The following ZFPM1 variants were observed in gnomAD, a reference collection of about 807,000 sequenced individuals.
ZFPM1 encodes the protein zinc finger protein ZFPM1.
Under a neutral mutation model 46.3 loss-of-function variants are expected in ZFPM1, and 28 were observed. The observed-to-expected ratio is 0.60, with a 90% CI of 0.45 to 0.83. The LOEUF (loss-of-function observed/expected upper bound fraction) is 0.83. ZFPM1 is among the 40% of genes least tolerant of loss of function. The probability of loss-of-function intolerance (pLI) is 0.00; values close to 1 mark genes in which losing one functional copy is unlikely to be tolerated. For synonymous variants in ZFPM1, 957 were observed against 675.9 expected, an observed-to-expected ratio of 1.42 and a Z score of -6.45; for missense variants, 1,878 against 1,432.4, an observed-to-expected ratio of 1.31 and a Z score of -5.02.
intron 4 of ZFPM1, chr16:88,516,169 A>C: frequency 2.5e-6 from 1 of 398,664 alleles, no homozygotes; most frequent in East Asian, 3.6e-5. Flanking sequence ...CCAGGATCAA[A>C]CAGCAGAGGG....
intron 6 of ZFPM1, among the ~76,000 whole-genome samples, 185 bp downstream of exon 6, chr16:88,528,423 T>A (rs1597284894): frequency 6.6e-6 from 1 of 151,580 alleles, no homozygotes; most frequent in African/African-American, 2.4e-5. Context: ...GACAGGAGGG[T>A]CCCCAGAGCC....
intron 3 of ZFPM1, among the ~76,000 whole-genome samples, chr16:88,489,707 T>A (rs991358441): frequency 6.6e-6 from 1 of 152,224 alleles, no homozygotes; most frequent in Non-Finnish European, 1.5e-5. Flanking sequence ...GTGACTCTGC[T>A]CCGTGATTTG....
intron 4 of ZFPM1, among the ~76,000 whole-genome samples, chr16:88,523,206 C>CA (rs71391390): frequency 0.15 from 16,811 of 110,696 alleles, 1,192 homozygotes; most frequent in East Asian, 0.36. Context: ...GACTTCATCT[C>CA]AAAAAAAAAA....
chr16:88,467,626 G>A (rs1040705578), intron 1 of ZFPM1, among the ~76,000 whole-genome samples: 1 of 152,162 alleles, frequency 6.6e-6, no homozygotes, highest in Non-Finnish European at 1.5e-5. Flanking sequence ...TCCGGACCCC[G>A]GGCCTCGCAG....
Position 88,496,697 on chromosome 16 carries a change from C to T in ZFPM1, c.268+7544C>T, listed in dbSNP as rs562046464. ...GGGGCTTGGGGTGGGGACGGGGACCCTCACCCACACACTGCTGGGCATCAG... is the reference window on the plus strand; with the variant it reads ...GGGGCTTGGGGTGGGGACGGGGACCTTCACCCACACACTGCTGGGCATCAG... On this transcript the variant is annotated intron_variant, in intron 3 of 9. Coordinates refer to ENST00000319555, the MANE Select transcript of ZFPM1 (RefSeq NM_153813.3). Among the ~76,000 whole-genome samples the T allele has an allele frequency of 3.9e-3, 594 of 152,178 alleles. 7 individuals are homozygous for T. The highest frequency in any genetic ancestry group is 0.014 in the African/African-American group (567 of 41,528).
intron 1 of ZFPM1, among the ~76,000 whole-genome samples, chr16:88,458,581 C>G (rs1163819358): frequency 6.6e-6 from 1 of 152,246 alleles, no homozygotes; most frequent in African/African-American, 2.4e-5. Flanking sequence ...GTGAATAATA[C>G]TCCCGCTGGC....
chr16:88,501,439 G>T (rs1336369195), intron 3 of ZFPM1, among the ~76,000 whole-genome samples: 1 of 132,552 alleles, frequency 7.5e-6, no homozygotes, highest in Non-Finnish European at 1.6e-5. Context: ...GGATGCGGGG[G>T]CCATCCCGCA....
In ZFPM1 at chr16:88,502,753, G is replaced by A. The variant is rs149096787; in HGVS notation, c.269-11634G>A. Among the ~76,000 whole-genome samples, 19 of 152,386 alleles carry A rather than the reference G, an allele frequency of 1.2e-4. 1 individual carries two copies. Among genetic ancestry groups the A allele is most frequent in the South Asian group, 4.1e-4 (2 of 4,834 alleles). On this transcript the variant is annotated intron_variant, in intron 3 of 9. Transcript: ENST00000319555. ...CCAGAAAAATCATCCCGGCATGGGC[G>A]GGCTCAGGTCAGCATGTCAAAGATG...
intron 1 of ZFPM1, among the ~76,000 whole-genome samples, chr16:88,460,170 C>T (rs1410390060): frequency 2.6e-5 from 4 of 152,178 alleles, no homozygotes; most frequent in Non-Finnish European, 1.5e-5. Context: ...GTCCACCTCC[C>T]CACCCGGCTC....
chr16:88,533,026 C>A, intron 9 of ZFPM1, 91 bp downstream of exon 9: 3 of 1,552,594 alleles, frequency 1.9e-6, no homozygotes, highest in Non-Finnish European at 1.7e-6. Context: ...GGTGGGGGTC[C>A]GTTTCAGCCT....
At chr16:88,516,363 C>A (rs566007091) in intron 4 of ZFPM1, 2 of 397,772 alleles carry the variant, frequency 5.0e-6, no homozygotes, top group African/African-American at 4.1e-5. Context: ...CACAGGCCAT[C>A]CTGGGGATAC....
chr16:88,501,742 G>A (rs1426535060), intron 3 of ZFPM1, among the ~76,000 whole-genome samples: 3 of 151,436 alleles, frequency 2.0e-5, no homozygotes, highest in Non-Finnish European at 2.9e-5. Context: ...TGTGGGTGCC[G>A]GGCCCTCCCG....
chr16:88,519,644 A>G (rs1169438358), intron 4 of ZFPM1, among the ~76,000 whole-genome samples: 4 of 100,900 alleles, frequency 4.0e-5, no homozygotes, highest in Non-Finnish European at 5.7e-5. Context: ...GGGTGAGTGG[A>G]TGATGGATAG....
chr16:88,502,957 G>A (rs1910452424), intron 3 of ZFPM1, among the ~76,000 whole-genome samples: 1 of 152,248 alleles, frequency 6.6e-6, no homozygotes, highest in Non-Finnish European at 1.5e-5. Flanking sequence ...GCCTTTAGCT[G>A]TCGTTCCTCC....
In ZFPM1 at chr16:88,514,573, T is replaced by C. The variant is rs1284573478; in HGVS notation, c.402+53T>C. Reference sequence around the variant, plus strand: ...CCGCCCACCCCAATGCAGGGCAACATGGACCCAGGGGACAGGCCCAGCTTA... The same window carrying C: ...CCGCCCACCCCAATGCAGGGCAACACGGACCCAGGGGACAGGCCCAGCTTA... On this transcript the variant is annotated intron_variant, in intron 4 of 9. Coordinates refer to ENST00000319555, the MANE Select transcript of ZFPM1 (RefSeq NM_153813.3). 1.1e-5 allele frequency: 15 copies of C among 1,352,952 alleles called. No individual in the cohort carries two copies. The South Asian group carries it at 1.4e-4, about 13-fold the overall frequency. 83.8% of individuals were successfully genotyped at this position (1,352,952 alleles called of 1,614,324 possible). A position where few individuals can be genotyped will look rare whatever the true frequency, so the allele number is the denominator to read the frequency against.
rs979116846 is a variant in ZFPM1 at position 88,471,218 on chromosome 16, C to T, written c.41-14721C>T. 5.9e-5 allele frequency among the ~76,000 whole-genome samples: 9 copies of T among 152,242 alleles called. No homozygotes were observed. The highest frequency in any genetic ancestry group is 4.1e-4 in the South Asian group (2 of 4,832). The stretch of plus-strand genomic sequence containing the variant: ...GGGCACTGAGAATTCAGACAAGAGC[C>T]GGACTCCCTGAGCTCCCAACCAGCT... On this transcript the variant is annotated intron_variant, in intron 1 of 9. Coordinates refer to ENST00000319555, the MANE Select transcript of ZFPM1 (RefSeq NM_153813.3). The surrounding 1 kb of genome is among the most constrained non-coding windows in gnomAD (Gnocchi z 4.1).
At chr16:88,532,485 G>A (rs895665161) in intron 7 of ZFPM1, 129 bp from the exon 8 acceptor site, 22 of 961,108 alleles carry the variant, frequency 2.3e-5, no homozygotes, top group Non-Finnish European at 3.0e-5. Flanking sequence ...GAGGAGGAGG[G>A]GTTTAAAGAC....
At chr16:88,464,026 G>T (rs1056750095) in intron 1 of ZFPM1, among the ~76,000 whole-genome samples, 1 of 152,244 alleles carries the variant, frequency 6.6e-6, no homozygotes, top group Admixed American at 6.5e-5. Context: ...CCAGCCAGGA[G>T]CCCTTGATCG....
At position 88,536,839 on chromosome 16, in the gene ZFPM1, C is replaced by T. The variant is rs550937835; in HGVS notation, c.*1860C>T. On this transcript the variant is annotated 3_prime_UTR_variant, in exon 10 of 10. Transcript: ENST00000319555. Reference sequence around the variant, plus strand: ...TGATAGCGGGGACGGGAGGCACGGACCCCTCAAGTCTGCTCATCATTTGCA... The same window carrying T: ...TGATAGCGGGGACGGGAGGCACGGATCCCTCAAGTCTGCTCATCATTTGCA... 6.6e-6 allele frequency: 1 copy of T among 152,236 alleles called. No individual in the cohort carries two copies. Among genetic ancestry groups the T allele is most frequent in the Admixed American group, 6.5e-5 (1 of 15,282 alleles). 9.4% of individuals were successfully genotyped at this position (152,236 alleles called of 1,614,324 possible). A position where few individuals can be genotyped will look rare whatever the true frequency, so the allele number is the denominator to read the frequency against.
Sources: gnomAD v4.1 joint callset for allele counts (sites outside exome capture counted in the v4.1 genomes callset) on GRCh38, gnomAD v4.1.1 for gene constraint, Gnocchi (gnomAD v3.1) non-coding constraint, MANE v1.5 for transcripts, NCBI Gene and HGNC (gene_info 2026-07-23, HGNC 2026-07-21) for gene names.